MFHAS1: variants seen among roughly 807,000 people sequenced by gnomAD.
The protein encoded by MFHAS1 is multifunctional ROCO family signaling regulator 1, also known as malignant fibrous histiocytoma-amplified sequence 1.
Under a neutral mutation model 70.4 loss-of-function variants are expected in MFHAS1, and 50 were observed. The ratio of observed to expected loss-of-function variants is 0.71; its 90% CI spans 0.57 to 0.90. MFHAS1 has a LOEUF of 0.90. Among genes scored for constraint, MFHAS1 ranks in the 40% least tolerant of loss-of-function variants. MFHAS1 has a pLI of 0.00. For missense variants in MFHAS1, 1,795 were observed against 1,347.6 expected (o/e 1.33, Z -5.20); for synonymous variants, 952 against 620.0 (o/e 1.54, Z -7.96).
At chr8:8,870,369 A>G (rs982977269) in intron 1 of MFHAS1, among the ~76,000 whole-genome samples, 18 of 151,894 alleles carry the variant, frequency 1.2e-4, no homozygotes, top group African/African-American at 3.6e-4. Flanking sequence ...GGGAGGCTGC[A>G]GTGGAAGGAT....
intron 1 of MFHAS1, among the ~76,000 whole-genome samples, chr8:8,807,799 G>A (rs1048624501): frequency 1.3e-5 from 2 of 152,140 alleles, no homozygotes; most frequent in African/African-American, 4.8e-5. Flanking sequence ...GGAGAGCTAA[G>A]GCCTTCTACA....
At chr8:8,855,255 C>T (rs1039843231) in intron 1 of MFHAS1, among the ~76,000 whole-genome samples, 3 of 152,214 alleles carry the variant, frequency 2.0e-5, no homozygotes, top group African/African-American at 7.2e-5. Context: ...ACTCAGCCGA[C>T]ATCCTGTATT....
At chr8:8,799,163 C>T (rs1402345562) in intron 1 of MFHAS1, among the ~76,000 whole-genome samples, 1 of 152,114 alleles carries the variant, frequency 6.6e-6, no homozygotes, top group Admixed American at 6.5e-5. Context: ...AAACCGAGGA[C>T]AGTACCGAAG....
intron 1 of MFHAS1, among the ~76,000 whole-genome samples, chr8:8,856,198 T>C (rs1808432060): frequency 6.6e-6 from 1 of 152,188 alleles, no homozygotes; most frequent in Non-Finnish European, 1.5e-5. Flanking sequence ...CTAGATCTTT[T>C]TGCTCCAGCA....
chr8:8,789,539 C>G (rs1805659050), intron 2 of MFHAS1, among the ~76,000 whole-genome samples: 1 of 152,112 alleles, frequency 6.6e-6, no homozygotes, highest in Admixed American at 6.5e-5. Context: ...TTCCAGGATG[C>G]AACAAAGAAA....
chr8:8,887,524 T>C (rs914056415), intron 1 of MFHAS1, among the ~76,000 whole-genome samples: 2 of 150,814 alleles, frequency 1.3e-5, no homozygotes, highest in Non-Finnish European at 3.0e-5. Flanking sequence ...GACAAAAATA[T>C]GTACGTTGGT....
At chr8:8,858,138 C>T (rs368671348) in intron 1 of MFHAS1, among the ~76,000 whole-genome samples, 3 of 152,120 alleles carry the variant, frequency 2.0e-5, no homozygotes, top group African/African-American at 4.8e-5. Flanking sequence ...GAAATTGGGA[C>T]GGAGCACAGG....
At chr8:8,814,704 T>G (rs1585030495) in intron 1 of MFHAS1, among the ~76,000 whole-genome samples, 1 of 152,154 alleles carries the variant, frequency 6.6e-6, no homozygotes, top group Middle Eastern at 3.4e-3. Flanking sequence ...ATAAAATAAT[T>G]TTTTTAAATG....
rs538473476 is a variant in MFHAS1 at position 8,892,903 on chromosome 8, G to A, written c.156C>T (p.Ala52=). 7.0e-6 allele frequency: 11 copies of A among 1,573,118 alleles called. No homozygotes were observed. The Middle Eastern group carries it at 5.2e-4, about 74-fold the overall frequency. ...GAGADALESP[A]SPQLVLPANL... ...TGGCCGGCAGCACGAGCTGGGGGGA[G>A]GCGGGGGACTCGAGCGCGTCGGCCC... The change falls in exon 1 of 3, where the codon GCC becomes GCT. Residue 52 remains alanine (A), a synonymous_variant. Transcript: ENST00000276282. The surrounding 1 kb of genome is among the most constrained non-coding windows in gnomAD (Gnocchi z 4.7).
At chr8:8,793,645 G>A (rs1354451760) in intron 2 of MFHAS1, among the ~76,000 whole-genome samples, 1 of 152,200 alleles carries the variant, frequency 6.6e-6, no homozygotes, top group African/African-American at 2.4e-5. Flanking sequence ...GAGTGGGAGG[G>A]ACTGTGCTGA....
At chr8:8,872,462 T>C (rs542279196) in intron 1 of MFHAS1, among the ~76,000 whole-genome samples, 18 of 152,312 alleles carry the variant, frequency 1.2e-4, no homozygotes, top group Admixed American at 2.0e-4. Context: ...TGGCAGTTTA[T>C]CACTTCCTGG....
At chr8:8,841,756 G>A (rs1236219812) in intron 1 of MFHAS1, among the ~76,000 whole-genome samples, 3 of 152,110 alleles carry the variant, frequency 2.0e-5, no homozygotes, top group African/African-American at 7.2e-5. Context: ...ACCCCACATG[G>A]GCCACACCCC....
chr8:8,794,013 C>A (rs1257738630), intron 2 of MFHAS1, among the ~76,000 whole-genome samples: 1 of 152,068 alleles, frequency 6.6e-6, no homozygotes, highest in African/African-American at 2.4e-5. Context: ...CATGATGAAA[C>A]CCCGTCTCTA....
At chr8:8,854,580 G>A (rs1037433231) in intron 1 of MFHAS1, among the ~76,000 whole-genome samples, 17 of 151,602 alleles carry the variant, frequency 1.1e-4, no homozygotes, top group Admixed American at 1.0e-3. Flanking sequence ...AGCAACTCAG[G>A]AGGCCGAGGT....
intron 1 of MFHAS1, among the ~76,000 whole-genome samples, chr8:8,808,547 A>C (rs1350162837): frequency 1.3e-5 from 2 of 152,220 alleles, no homozygotes; most frequent in African/African-American, 4.8e-5. Flanking sequence ...GTCTTGACTT[A>C]ATAAGGAAAG....
intron 2 of MFHAS1, among the ~76,000 whole-genome samples, chr8:8,788,857 C>T (rs901175871): frequency 1.1e-4 from 16 of 152,140 alleles, no homozygotes; most frequent in African/African-American, 3.9e-4. Flanking sequence ...GAGGCAGCCA[C>T]GGCCCACCAC....
Position 8,813,747 on chromosome 8 carries a change from G to A in MFHAS1, c.2999-16256C>T, listed in dbSNP as rs1806635839. Among the ~76,000 whole-genome samples, 3 of 152,030 alleles carry A rather than the reference G, an allele frequency of 2.0e-5. No homozygotes were observed. The South Asian group carries it at 6.2e-4, about 32-fold the overall frequency. On this transcript the variant is annotated intron_variant, in intron 1 of 2. Coordinates refer to ENST00000276282, the MANE Select transcript of MFHAS1 (RefSeq NM_004225.3). ...AAGTAAAAAAGTTACAGTAAGCTAA[G>A]GTTAATTTACTATTAAAGAAATAAA...
At chr8:8,866,338 T>G (rs1282911323) in intron 1 of MFHAS1, among the ~76,000 whole-genome samples, 1 of 151,956 alleles carries the variant, frequency 6.6e-6, no homozygotes, top group East Asian at 1.9e-4. Context: ...TTTTCTTTTT[T>G]GAGACAGGGT....
intron 1 of MFHAS1, among the ~76,000 whole-genome samples, chr8:8,877,703 A>C (rs10046784): frequency 0.91 from 137,684 of 152,114 alleles, 62,756 homozygotes; most frequent in South Asian, 0.97. Context: ...CTGAGCAAAT[A>C]ATGTGAAACT....
Sources: allele counts gnomAD v4.1 joint callset (sites outside exome capture counted in the v4.1 genomes callset), GRCh38; gene constraint gnomAD v4.1.1; non-coding constraint Gnocchi (gnomAD v3.1); transcripts MANE v1.5; gene names NCBI Gene and HGNC (gene_info 2026-07-23, HGNC 2026-07-21).